The following SNX33 variants were observed in gnomAD, a reference collection of about 807,000 sequenced individuals.
The protein encoded by SNX33 is sorting nexin-33.
In SNX33, 19 loss-of-function variants were observed where a neutral mutation model predicts 38.8. That is an observed-to-expected ratio of 0.49 (90% CI 0.34 to 0.72). SNX33 has a LOEUF of 0.72. Ranked by LOEUF, SNX33 falls within the 30% of genes least tolerant of loss-of-function variation. The pLI is 0.01. For missense variants in SNX33, 641 were observed against 776.4 expected (o/e 0.83, Z 2.07); for synonymous variants, 246 against 289.7 (o/e 0.85, Z 1.53).
rs780533477 is a variant in SNX33 at position 75,649,643 on chromosome 15, C to T, written c.541C>T (p.Arg181Cys). 4.4e-6 allele frequency: 7 copies of T among 1,607,480 alleles called. No homozygotes were observed. The highest frequency in any genetic ancestry group is 5.1e-6 in the Non-Finnish European group (6 of 1,176,528). ...TGCCAAGCGAGGCAGTGTGGTGGGC[C>T]GTAACCTCAACCGTTTCTCATGCTT... ...ASAKRGSVVG[R>C]NLNRFSCFVR... The change falls in exon 1 of 2, where the codon CGT becomes TGT. Residue 181 changes from arginine to cysteine, a missense_variant. Physicochemically the swap from Arg to Cys is radical, Grantham distance 180. Transcript: ENST00000308527. The surrounding 1 kb of genome is among the most constrained non-coding windows in gnomAD (Gnocchi z 6.6).
intron 1 of SNX33, among the ~76,000 whole-genome samples, chr15:75,654,957 G>A (rs28399830): frequency 0.048 from 7,262 of 152,240 alleles, 549 homozygotes; most frequent in African/African-American, 0.16. Flanking sequence ...CAACTTTCTC[G>A]GCAGGTGGAA....
Position 75,658,637 on chromosome 15 carries a change from A to C in SNX33, c.*1422A>C, listed in dbSNP as rs1201734691. On this transcript the variant is annotated 3_prime_UTR_variant, in exon 2 of 2. Coordinates refer to ENST00000308527, the MANE Select transcript of SNX33 (RefSeq NM_153271.2). The surrounding 1 kb of genome is among the most constrained non-coding windows in gnomAD (Gnocchi z 4.1). ...AACCTTTTACAATTAAGATAACACA[A>C]GCATGACTTTTTCTGTTTGGATCCC... 6.6e-6 allele frequency: 1 copy of C among 152,652 alleles called. No homozygotes were observed. The highest frequency in any genetic ancestry group is 2.4e-5 in the African/African-American group (1 of 41,458). The allele number at this position is 152,652 out of a possible 1,614,324, so 9.5% of individuals were successfully genotyped here. A position where few individuals can be genotyped will look rare whatever the true frequency, so the allele number is the denominator to read the frequency against.
At chr15:75,654,699 G>A (rs964082565) in intron 1 of SNX33, among the ~76,000 whole-genome samples, 2 of 152,224 alleles carry the variant, frequency 1.3e-5, no homozygotes, top group Non-Finnish European at 2.9e-5. Flanking sequence ...GGGTGCATTA[G>A]CATTAGCTGG....
intron 1 of SNX33, among the ~76,000 whole-genome samples, chr15:75,654,320 C>T (rs1440435944): frequency 6.6e-6 from 1 of 152,162 alleles, no homozygotes; most frequent in Non-Finnish European, 1.5e-5. Context: ...AGCATCACAT[C>T]TAGTGCAACC....
chr15:75,657,568 C>T lies in SNX33; in HGVS notation c.*353C>T, dbSNP rs528076402. On this transcript the variant is annotated 3_prime_UTR_variant, in exon 2 of 2. Transcript: ENST00000308527. This position sits in a 1 kb window ranked among gnomAD's most constrained non-coding sequence, Gnocchi z 5.5. The stretch of plus-strand genomic sequence containing the variant: ...GCTGCCTTATCCATTCAGCAGACAC[C>T]GAGGCCTGCTGCACCCTTGGGTCGG... The T allele has an allele frequency of 1.6e-4, 55 of 344,896 alleles. No individual in the cohort carries two copies. Among genetic ancestry groups the T allele is most frequent in the Non-Finnish European group, 1.9e-4 (35 of 180,054 alleles). 21.4% of individuals were successfully genotyped at this position (344,896 alleles called of 1,614,324 possible). A position where few individuals can be genotyped will look rare whatever the true frequency, so the allele number is the denominator to read the frequency against.
intron 1 of SNX33, among the ~76,000 whole-genome samples, chr15:75,654,832 C>T (rs1893633432): frequency 6.6e-6 from 1 of 152,228 alleles, no homozygotes; most frequent in Non-Finnish European, 1.5e-5. Flanking sequence ...TCTGTGGATA[C>T]CTAACCATTG....
At position 75,648,212 on chromosome 15, in the gene SNX33, A is replaced by G; in HGVS notation, c.-891A>G. On this transcript the variant is annotated 5_prime_UTR_variant, in exon 1 of 2. Transcript: ENST00000308527. This position sits in a 1 kb window ranked among gnomAD's most constrained non-coding sequence, Gnocchi z 4.4. Reference sequence around the variant, plus strand: ...GGTTCCTGGGATTCAGAGCAGGGTCAGCGTCAGGCTCAGAAACTGCTGAGG... The same window carrying G: ...GGTTCCTGGGATTCAGAGCAGGGTCGGCGTCAGGCTCAGAAACTGCTGAGG... The G allele has an allele frequency of 1.0e-6, 1 of 985,484 alleles. No homozygotes were observed. Among genetic ancestry groups the G allele is most frequent in the African/African-American group, 1.7e-5 (1 of 57,362 alleles). 61.0% of individuals were successfully genotyped at this position (985,484 alleles called of 1,614,324 possible).
chr15:75,658,672 G>C lies in SNX33; in HGVS notation c.*1457G>C, dbSNP rs535511986. 47 of 152,764 alleles carry C rather than the reference G, an allele frequency of 3.1e-4. No individual in the cohort carries two copies. The highest frequency in any genetic ancestry group is 1.1e-3 in the African/African-American group (46 of 41,576). The allele number at this position is 152,764 out of a possible 1,614,324, so 9.5% of individuals were successfully genotyped here. ...TTTCTGTTTGGATCCCAGAAAGGCG[G>C]AGGGCAGGAGAAGGATAGAGCCCTA... is the stretch of plus-strand genomic sequence containing the variant. On this transcript the variant is annotated 3_prime_UTR_variant, in exon 2 of 2. Transcript: ENST00000308527. This position sits in a 1 kb window ranked among gnomAD's most constrained non-coding sequence, Gnocchi z 4.1.
intron 1 of SNX33, among the ~76,000 whole-genome samples, chr15:75,653,750 C>T (rs979974190): frequency 1.1e-4 from 17 of 152,106 alleles, no homozygotes; most frequent in Non-Finnish European, 1.0e-4. Flanking sequence ...GGCAAAGTGG[C>T]GACTGTAGGG....
At chr15:75,652,306 G>A (rs1241643053) in intron 1 of SNX33, among the ~76,000 whole-genome samples, 1 of 152,236 alleles carries the variant, frequency 6.6e-6, no homozygotes, top group African/African-American at 2.4e-5. Flanking sequence ...CAGGGGAGGT[G>A]GCCAGGCCTG....
rs551040248 is a variant in SNX33 at position 75,658,747 on chromosome 15, A to C, written c.*1532A>C. On this transcript the variant is annotated 3_prime_UTR_variant, in exon 2 of 2. Transcript: ENST00000308527. The surrounding 1 kb of genome is among the most constrained non-coding windows in gnomAD (Gnocchi z 4.1). ...AGATTCTGAGGTCGTGGTGGGCACA[A>C]ATTTTCCACAGAACCTCAAAAGTTC... 2 of 152,340 alleles carry C rather than the reference A, an allele frequency of 1.3e-5. No homozygotes were observed. The highest frequency in any genetic ancestry group is 4.8e-5 in the African/African-American group (2 of 41,450). The allele number at this position is 152,340 out of a possible 1,614,324, so 9.4% of individuals were successfully genotyped here.
In SNX33 at chr15:75,657,449, C is replaced by A; in HGVS notation, c.*234C>A. ...GGGTGAGAATAGAGTCAGGAGCCCTCGAGGCCAAGGCCTGGGCTGCCGGTC... is the reference window on the plus strand; with the variant it reads ...GGGTGAGAATAGAGTCAGGAGCCCTAGAGGCCAAGGCCTGGGCTGCCGGTC... On this transcript the variant is annotated 3_prime_UTR_variant, in exon 2 of 2. Transcript: ENST00000308527. This position sits in a 1 kb window ranked among gnomAD's most constrained non-coding sequence, Gnocchi z 5.5. 1 of 669,158 alleles carries A rather than the reference C, an allele frequency of 1.5e-6. No individual in the cohort carries two copies. Among genetic ancestry groups the A allele is most frequent in the Non-Finnish European group, 2.5e-6 (1 of 406,406 alleles). The allele number at this position is 669,158 out of a possible 1,614,324, so 41.5% of individuals were successfully genotyped here.
chr15:75,658,091 A>C lies in SNX33; in HGVS notation c.*876A>C, dbSNP rs909604959. Reference sequence around the variant, plus strand: ...TTTGGGCCCTCAGCTTATCTCGGGCAGGGGACCATTGCAGCATCCTCCCCT... The same window carrying C: ...TTTGGGCCCTCAGCTTATCTCGGGCCGGGGACCATTGCAGCATCCTCCCCT... On this transcript the variant is annotated 3_prime_UTR_variant, in exon 2 of 2. Coordinates refer to ENST00000308527, the MANE Select transcript of SNX33 (RefSeq NM_153271.2). This position sits in a 1 kb window ranked among gnomAD's most constrained non-coding sequence, Gnocchi z 4.1. 2.6e-5 allele frequency: 4 copies of C among 152,690 alleles called. No homozygotes were observed. The East Asian group carries it at 7.7e-4, about 29-fold the overall frequency. The allele number at this position is 152,690 out of a possible 1,614,324, so 9.5% of individuals were successfully genotyped here. A position where few individuals can be genotyped will look rare whatever the true frequency, so the allele number is the denominator to read the frequency against.
Position 75,650,701 on chromosome 15 carries a change from C to T in SNX33, c.1471+128C>T. The T allele has an allele frequency of 7.7e-7, 1 of 1,301,408 alleles. No homozygotes were observed. The allele number at this position is 1,301,408 out of a possible 1,614,324, so 80.6% of individuals were successfully genotyped here. A position where few individuals can be genotyped will look rare whatever the true frequency, so the allele number is the denominator to read the frequency against. ...TTCTCTGTCTCAATCATTCATTTAA[C>T]AAATGTGTTGGGCTGGGCACGGTGG... is the stretch of plus-strand genomic sequence containing the variant. On this transcript the variant is annotated intron_variant, in intron 1 of 1. Coordinates refer to ENST00000308527, the MANE Select transcript of SNX33 (RefSeq NM_153271.2). This position sits in a 1 kb window ranked among gnomAD's most constrained non-coding sequence, Gnocchi z 6.1.
chr15:75,657,056 G>T lies in SNX33; in HGVS notation c.1566G>T (p.Val522=), dbSNP rs748849998. Residue 522 remains valine, a synonymous_variant, in exon 2 of 2, where the codon GTG becomes GTT. Coordinates refer to ENST00000308527, the MANE Select transcript of SNX33 (RefSeq NM_153271.2). This position sits in a 1 kb window ranked among gnomAD's most constrained non-coding sequence, Gnocchi z 5.5. ...ACGGCATTCGCAGGCGCTGCCGCGT[G>T]GTGGGTTTCGCCCTGCAGGCCGAGA... ...EADGIRRRCR[V]VGFALQAEMN... is the part of the protein sequence containing the mutation. 1.5e-5 allele frequency: 24 copies of T among 1,614,172 alleles called. No homozygotes were observed. Among genetic ancestry groups the T allele is most frequent in the Non-Finnish European group, 1.9e-5 (23 of 1,180,018 alleles).
rs973197375 is a variant in SNX33 at position 75,661,676 on chromosome 15, C to T, written c.*4461C>T. 4 of 152,160 alleles carry T rather than the reference C, an allele frequency of 2.6e-5. No homozygotes were observed. The allele number at this position is 152,160 out of a possible 1,614,324, so 9.4% of individuals were successfully genotyped here. ...AGGCAGCATTTATTCCCTTTCGCAACAAAGAGACTGAGACTTGGCCAGAGG... is the reference window on the plus strand; with the variant it reads ...AGGCAGCATTTATTCCCTTTCGCAATAAAGAGACTGAGACTTGGCCAGAGG... On this transcript the variant is annotated 3_prime_UTR_variant, in exon 2 of 2. Coordinates refer to ENST00000308527, the MANE Select transcript of SNX33 (RefSeq NM_153271.2). This position sits in a 1 kb window ranked among gnomAD's most constrained non-coding sequence, Gnocchi z 4.5.
At position 75,649,504 on chromosome 15, in the gene SNX33, G is replaced by A. The variant is rs370821031; in HGVS notation, c.402G>A (p.Gly134=). Residue 134 remains glycine (G), a synonymous_variant, in exon 1 of 2, where the codon GGG becomes GGA. Coordinates refer to ENST00000308527, the MANE Select transcript of SNX33 (RefSeq NM_153271.2). The surrounding 1 kb of genome is among the most constrained non-coding windows in gnomAD (Gnocchi z 6.6). ...CTVVEEPRAG[G]LGTNGHPPLN... ...TGGTGGAGGAGCCACGGGCTGGTGG[G>A]CTGGGCACCAACGGGCACCCTCCCC... The A allele has an allele frequency of 9.6e-6, 15 of 1,567,714 alleles. No individual in the cohort carries two copies. The highest frequency in any genetic ancestry group is 2.4e-5 in the South Asian group (2 of 84,828).
At position 75,658,519 on chromosome 15, in the gene SNX33, G is replaced by T. The variant is rs1596000684; in HGVS notation, c.*1304G>T. 1 of 152,752 alleles carries T rather than the reference G, an allele frequency of 6.5e-6. No individual in the cohort carries two copies. The highest frequency in any genetic ancestry group is 2.4e-5 in the African/African-American group (1 of 41,550). The allele number at this position is 152,752 out of a possible 1,614,324, so 9.5% of individuals were successfully genotyped here. ...AGGGTGTGGTCCAGCAGCTTGCTGT[G>T]GGGTGCTGACATGTGTCACCACTGC... On this transcript the variant is annotated 3_prime_UTR_variant, in exon 2 of 2. Coordinates refer to ENST00000308527, the MANE Select transcript of SNX33 (RefSeq NM_153271.2). This position sits in a 1 kb window ranked among gnomAD's most constrained non-coding sequence, Gnocchi z 4.1.
Position 75,650,390 on chromosome 15 carries a change from A to G in SNX33, c.1288A>G (p.Met430Val), listed in dbSNP as rs1295717616. ...AFQAISHSFQMDPPFCSEALN... is the reference protein window; with the variant it reads ...AFQAISHSFQVDPPFCSEALN... ...CCAGGCCATCAGTCATTCCTTCCAG[A>G]TGGACCCCCCCTTTTGCTCTGAGGC... The change falls in exon 1 of 2, where the codon ATG becomes GTG. Residue 430 changes from methionine (M) to valine (V), a missense_variant. Around this residue, in one of 2 missense-constraint regions of SNX33, gnomAD observed 398 missense variants for 542.5 expected, o/e 0.73. Transcript: ENST00000308527. This position sits in a 1 kb window ranked among gnomAD's most constrained non-coding sequence, Gnocchi z 6.1. The G allele has an allele frequency of 3.7e-6, 6 of 1,613,402 alleles. No homozygotes were observed. In the South Asian group the frequency reaches 5.5e-5, roughly 15 times the overall value.
Sources: allele counts gnomAD v4.1 joint callset (sites outside exome capture counted in the v4.1 genomes callset), GRCh38; gene constraint gnomAD v4.1.1; regional missense constraint gnomAD v4.1.1; non-coding constraint Gnocchi (gnomAD v3.1); transcripts MANE v1.5; gene names NCBI Gene and HGNC (gene_info 2026-07-23, HGNC 2026-07-21).